Variants in RBM47 observed in about 807,000 individuals in gnomAD.
The protein encoded by RBM47 is RNA-binding protein 47.
Under a neutral mutation model 47.1 loss-of-function variants are expected in RBM47, and 21 were observed. That is an observed-to-expected ratio of 0.45 (90% CI 0.32 to 0.64). RBM47 has a LOEUF of 0.64. Among genes scored for constraint, RBM47 ranks in the 30% least tolerant of loss-of-function variants. RBM47 has a pLI of 0.05. For synonymous variants in RBM47, 375 were observed against 361.7 expected, an observed-to-expected ratio of 1.04 and a Z score of -0.42; for missense variants, 708 against 870.9, an observed-to-expected ratio of 0.81 and a Z score of 2.35.
At chr4:40,514,009 G>A (rs1725271940) in intron 2 of RBM47, among the ~76,000 whole-genome samples, 1 of 152,144 alleles carries the variant, frequency 6.6e-6, no homozygotes, top group Non-Finnish European at 1.5e-5. Flanking sequence ...GTGAGCCACC[G>A]CACCCAGCCT....
At chr4:40,486,708 G>A (rs1721134535) in intron 2 of RBM47, among the ~76,000 whole-genome samples, 1 of 152,168 alleles carries the variant, frequency 6.6e-6, no homozygotes, top group Non-Finnish European at 1.5e-5. Context: ...TTGGGTAGAG[G>A]GCACATGGAT....
intron 1 of RBM47, among the ~76,000 whole-genome samples, chr4:40,624,535 T>C (rs1737552721): frequency 6.6e-6 from 1 of 152,214 alleles, no homozygotes; most frequent in South Asian, 2.1e-4. Context: ...CATTCTTCCC[T>C]GGACATGTCT....
At chr4:40,519,043 T>A (rs909487802) in intron 2 of RBM47, among the ~76,000 whole-genome samples, 17 of 145,974 alleles carry the variant, frequency 1.2e-4, no homozygotes, top group Non-Finnish European at 2.3e-4. Context: ...AAAAAAAAAA[T>A]ATAAAAAATG....
chr4:40,501,431 G>A (rs1163179066), intron 2 of RBM47, among the ~76,000 whole-genome samples: 1 of 152,198 alleles, frequency 6.6e-6, no homozygotes, highest in African/African-American at 2.4e-5. Flanking sequence ...GTCAGATGCT[G>A]AAAACAAGCA....
At chr4:40,608,617 A>T (rs6847630) in intron 1 of RBM47, among the ~76,000 whole-genome samples, 112,228 of 152,082 alleles carry the variant, frequency 0.74, 41,723 homozygotes, top group African/African-American at 0.78. Flanking sequence ...TAGACTTGGA[A>T]CTCTTTTTCT....
At chr4:40,446,215 C>T (rs886698034) in intron 3 of RBM47, among the ~76,000 whole-genome samples, 1 of 152,116 alleles carries the variant, frequency 6.6e-6, no homozygotes, top group Non-Finnish European at 1.5e-5. Context: ...CATTCTAATC[C>T]TCACAGTGTC....
intron 3 of RBM47, among the ~76,000 whole-genome samples, chr4:40,440,435 G>A (rs1215975430): frequency 1.3e-5 from 2 of 151,962 alleles, no homozygotes; most frequent in African/African-American, 2.4e-5. Context: ...ATTAGAACCC[G>A]GAGTATCATT....
At chr4:40,568,398 C>T (rs190109562) in intron 1 of RBM47, among the ~76,000 whole-genome samples, 1 of 130,742 alleles carries the variant, frequency 7.6e-6, no homozygotes, top group Non-Finnish European at 1.6e-5. Flanking sequence ...CACAGCCCTG[C>T]AGCCTAGGTA....
chr4:40,426,868 C>A (rs540062124), intron 6 of RBM47: 1 of 152,304 alleles, frequency 6.6e-6, no homozygotes, highest in African/African-American at 2.4e-5. Context: ...CTTCTACTTA[C>A]CATTCCACTC....
At chr4:40,514,489 G>C (rs1725331755) in intron 2 of RBM47, 1 of 152,126 alleles carries the variant, frequency 6.6e-6, no homozygotes, top group African/African-American at 2.4e-5. Flanking sequence ...TTTTTAATAT[G>C]AATATACTAA....
At chr4:40,511,904 C>T (rs1294070560) in intron 2 of RBM47, among the ~76,000 whole-genome samples, 3 of 145,956 alleles carry the variant, frequency 2.1e-5, no homozygotes. Context: ...CACTGCACTC[C>T]AGCCTGGGGG....
In RBM47 at chr4:40,438,202, GC is replaced by G; in HGVS notation, c.691del (p.Ala231ProfsTer11). 6.2e-7 allele frequency: 1 copy of G among 1,606,782 alleles called. No homozygotes were observed. On this transcript the variant is annotated frameshift_variant, in exon 4 of 7. Coordinates refer to ENST00000295971, the MANE Select transcript of RBM47 (RefSeq NM_001098634.2). LOFTEE classifies it high-confidence loss of function. The part of the protein sequence containing the change: ...LWGHQIAVDW[A>X]EPEIDVDEDV... ...CTCGTCCACGTCGATCTCAGGTTCG[GC>G]CCAGTCCACGGCGATCTGGTGGCCC...
chr4:40,611,754 A>C (rs1025598888), intron 1 of RBM47, among the ~76,000 whole-genome samples: 1 of 151,792 alleles, frequency 6.6e-6, no homozygotes, highest in Non-Finnish European at 1.5e-5. Flanking sequence ...AAAACAAAAC[A>C]AAAAAAACCA....
At chr4:40,436,205 A>AAC (rs1478850206) in intron 5 of RBM47, among the ~76,000 whole-genome samples, 9 of 132,518 alleles carry the variant, frequency 6.8e-5, no homozygotes, top group African/African-American at 1.9e-4. Flanking sequence ...CAAACAAACA[A>AAC]AAAAAAACCT....
intron 2 of RBM47, among the ~76,000 whole-genome samples, chr4:40,526,789 C>CTTTTTTTTT (rs540484622): frequency 3.2e-5 from 2 of 61,624 alleles, no homozygotes; most frequent in Non-Finnish European, 5.8e-5. Context: ...CAGTTTGGTT[C>CTTTTTTTTT]TTTTTTTTTT....
At chr4:40,580,531 G>A (rs546841587) in intron 1 of RBM47, among the ~76,000 whole-genome samples, 1 of 152,276 alleles carries the variant, frequency 6.6e-6, no homozygotes, top group African/African-American at 2.4e-5. Context: ...ACAGCACGGT[G>A]ATGGTTTAAA....
chr4:40,616,629 T>G (rs372418593), intron 1 of RBM47, among the ~76,000 whole-genome samples: 3 of 152,136 alleles, frequency 2.0e-5, no homozygotes, highest in Non-Finnish European at 2.9e-5. Flanking sequence ...AATCAGCCTT[T>G]CATTATGTGG....
At position 40,532,172 on chromosome 4, in the gene RBM47, G is replaced by A. The variant is rs186097490; in HGVS notation, c.-155+12250C>T. On this transcript the variant is annotated intron_variant, in intron 2 of 6. Transcript: ENST00000295971. ...ACTACAAGTGGGAGCCACCATGCCC[G>A]GCTAATTTTTTGTATTTTTAGTAGA... 4.6e-5 allele frequency among the ~76,000 whole-genome samples: 7 copies of A among 151,142 alleles called. No individual in the cohort carries two copies. In the East Asian group the frequency reaches 9.7e-4, roughly 21 times the overall value.
chr4:40,531,358 A>G (rs1213344619), intron 2 of RBM47, among the ~76,000 whole-genome samples: 1 of 151,952 alleles, frequency 6.6e-6, no homozygotes, highest in Non-Finnish European at 1.5e-5. Context: ...CTCTGTATAG[A>G]GGAGAGTAGC....
Sources: gnomAD v4.1 joint callset for allele counts (sites outside exome capture counted in the v4.1 genomes callset) on GRCh38, gnomAD v4.1.1 for gene constraint, MANE v1.5 for transcripts, NCBI Gene and HGNC (gene_info 2026-07-23, HGNC 2026-07-21) for gene names.